The following SEMA3C variants were observed in gnomAD, a reference collection of about 807,000 sequenced individuals.
The protein encoded by SEMA3C is semaphorin-3C.
SEMA3C carries 47 observed loss-of-function variants against 89.4 expected under a neutral mutation model. That is an observed-to-expected ratio of 0.53 (90% CI 0.42 to 0.67). The LOEUF (loss-of-function observed/expected upper bound fraction) is 0.67, where lower values mean the gene tolerates loss of function less well. SEMA3C is among the 30% of genes least tolerant of loss of function. The pLI is 0.00. For missense variants in SEMA3C, 839 were observed against 929.1 expected (o/e 0.90, Z 1.26); for synonymous variants, 310 against 320.2 (o/e 0.97, Z 0.34).
At chr7:80,855,147 A>C (rs180724563) in intron 2 of SEMA3C, among the ~76,000 whole-genome samples, 1 of 152,206 alleles carries the variant, frequency 6.6e-6, no homozygotes, top group Non-Finnish European at 1.5e-5. Flanking sequence ...TGAAAAGACT[A>C]TAAGTTATTA....
At chr7:80,767,343 T>C (rs1250657745) in intron 12 of SEMA3C, among the ~76,000 whole-genome samples, 1 of 152,174 alleles carries the variant, frequency 6.6e-6, no homozygotes, top group Non-Finnish European at 1.5e-5. Context: ...AGAAATTTAC[T>C]CATATGTCCC....
At chr7:80,875,242 T>A (rs1282136637) in intron 2 of SEMA3C, among the ~76,000 whole-genome samples, 1 of 152,154 alleles carries the variant, frequency 6.6e-6, no homozygotes, top group African/African-American at 2.4e-5. Flanking sequence ...TAGATGCTTG[T>A]CCCTGCATAC....
chr7:80,909,905 A>T (rs1388796815), intron 2 of SEMA3C, among the ~76,000 whole-genome samples: 1 of 152,214 alleles, frequency 6.6e-6, no homozygotes. Flanking sequence ...AAAGCCTGAT[A>T]TATAATGATC....
chr7:80,842,924 C>T (rs951754169), intron 2 of SEMA3C, among the ~76,000 whole-genome samples: 1 of 151,986 alleles, frequency 6.6e-6, no homozygotes, highest in Non-Finnish European at 1.5e-5. Context: ...GTTACTTCAT[C>T]GACAATGAAT....
chr7:80,919,532 A>G (rs116774599), upstream of SEMA3C, among the ~76,000 whole-genome samples: 195 of 150,334 alleles, frequency 1.3e-3, 1 homozygote, highest in African/African-American at 4.3e-3. Context: ...TTTTAAAAGG[A>G]CGTGAGTTTT....
At chr7:80,901,651 T>TTCTGTAG (rs1285512915) in intron 2 of SEMA3C, among the ~76,000 whole-genome samples, 2 of 152,192 alleles carry the variant, frequency 1.3e-5, no homozygotes, top group East Asian at 3.9e-4. Context: ...TATCTTTGTT[T>TTCTGTAG]TCTGTGACTA....
chr7:80,766,021 C>T (rs1788293922), intron 12 of SEMA3C, among the ~76,000 whole-genome samples: 1 of 152,092 alleles, frequency 6.6e-6, no homozygotes, highest in Non-Finnish European at 1.5e-5. Context: ...TTTATAATAA[C>T]TGTATAAGTC....
chr7:80,808,835 C>T (rs753539906), intron 6 of SEMA3C, among the ~76,000 whole-genome samples: 24 of 152,106 alleles, frequency 1.6e-4, no homozygotes, highest in African/African-American at 3.6e-4. Context: ...AGTGTAATGT[C>T]GTGATCTCGG....
chr7:80,771,650 T>C (rs1460552194), intron 12 of SEMA3C, among the ~76,000 whole-genome samples: 3 of 152,160 alleles, frequency 2.0e-5, no homozygotes, highest in Admixed American at 6.5e-5. Flanking sequence ...GGAATAGTCA[T>C]TTGTATATCT....
chr7:80,848,629 T>G (rs566871380), intron 2 of SEMA3C, among the ~76,000 whole-genome samples: 2 of 152,306 alleles, frequency 1.3e-5, no homozygotes, highest in South Asian at 4.1e-4. Context: ...CTCTTCCAGT[T>G]TTTGATGTTT....
chr7:80,905,953 T>C lies in SEMA3C; in HGVS notation c.103+10726A>G, dbSNP rs763525554. The C allele has an allele frequency of 4.9e-6, 6 of 1,229,134 alleles. No individual in the cohort carries two copies. The South Asian group carries it at 7.6e-5, about 16-fold the overall frequency. 76.1% of individuals were successfully genotyped at this position (1,229,134 alleles called of 1,614,324 possible). Reference sequence around the variant, plus strand: ...TCATGGAATTGAATGTAATTTTGTTTTGTTTTTTTTTTAACTGAATAATAA... The same window carrying C: ...TCATGGAATTGAATGTAATTTTGTTCTGTTTTTTTTTTAACTGAATAATAA... On this transcript the variant is annotated intron_variant, in intron 2 of 17. Transcript: ENST00000265361.
At chr7:80,809,581 G>C (rs1204514827) in intron 6 of SEMA3C, among the ~76,000 whole-genome samples, 1 of 152,026 alleles carries the variant, frequency 6.6e-6, no homozygotes, top group Non-Finnish European at 1.5e-5. Context: ...CCTTCCCAAT[G>C]CTTGTTATCA....
At chr7:80,750,768 C>T (rs538885050) in intron 16 of SEMA3C, among the ~76,000 whole-genome samples, 3 of 151,784 alleles carry the variant, frequency 2.0e-5, no homozygotes, top group Admixed American at 2.0e-4. Flanking sequence ...TGGTATTTAA[C>T]GGGTCTAGTT....
intron 2 of SEMA3C, among the ~76,000 whole-genome samples, chr7:80,829,117 T>C (rs1336257167): frequency 6.6e-6 from 1 of 151,982 alleles, no homozygotes; most frequent in East Asian, 1.9e-4. Context: ...CAGTGAGCTA[T>C]GATCATGCTA....
chr7:80,768,733 A>G (rs1040484430), intron 12 of SEMA3C, among the ~76,000 whole-genome samples: 2 of 152,154 alleles, frequency 1.3e-5, no homozygotes, highest in Non-Finnish European at 2.9e-5. Context: ...GAAATACAAC[A>G]TACCAAAACA....
intron 12 of SEMA3C, among the ~76,000 whole-genome samples, chr7:80,773,938 T>C (rs185674126): frequency 3.9e-5 from 6 of 152,352 alleles, no homozygotes; most frequent in Non-Finnish European, 8.8e-5. Flanking sequence ...AAGTTGTTCT[T>C]GCCTCAGTCA....
At chr7:80,897,902 A>G (rs1334070962) in intron 2 of SEMA3C, among the ~76,000 whole-genome samples, 2 of 152,236 alleles carry the variant, frequency 1.3e-5, no homozygotes, top group Non-Finnish European at 2.9e-5. Flanking sequence ...CTATTTTTCT[A>G]AATTGTTTAT....
intron 2 of SEMA3C, among the ~76,000 whole-genome samples, chr7:80,912,135 C>T (rs1385874461): frequency 1.3e-5 from 2 of 152,094 alleles, no homozygotes; most frequent in African/African-American, 4.8e-5. Context: ...TCACCTGGAA[C>T]AGTAATTACT....
chr7:80,804,947 T>G (rs1789302443), intron 7 of SEMA3C, among the ~76,000 whole-genome samples: 1 of 152,108 alleles, frequency 6.6e-6, no homozygotes, highest in South Asian at 2.1e-4. Context: ...CAGGGTGAAA[T>G]GACAAGAATC....
Sources: gnomAD v4.1 joint callset for allele counts (sites outside exome capture counted in the v4.1 genomes callset) on GRCh38, gnomAD v4.1.1 for gene constraint, MANE v1.5 for transcripts, NCBI Gene and HGNC (gene_info 2026-07-23, HGNC 2026-07-21) for gene names.